Variants in PCDHGA2 observed in about 807,000 individuals in gnomAD.
PCDHGA2 encodes protocadherin gamma-A2.
In PCDHGA2, 40 loss-of-function variants were observed where a neutral mutation model predicts 59.2. The observed-to-expected ratio is 0.68, with a 90% CI of 0.52 to 0.88. The LOEUF (loss-of-function observed/expected upper bound fraction) is 0.88, where lower values mean the gene tolerates loss of function less well. Among genes scored for constraint, PCDHGA2 ranks in the 40% least tolerant of loss-of-function variants. PCDHGA2 has a pLI of 0.00. For missense variants in PCDHGA2, 1,226 were observed against 1,204.0 expected (o/e 1.02, Z -0.27); for synonymous variants, 560 against 526.0 (o/e 1.06, Z -0.89).
chr5:141,355,124 A>G (rs1460903356), intron 1 of PCDHGA2: 1 of 1,516,442 alleles, frequency 6.6e-7, no homozygotes, highest in East Asian at 2.3e-5. Context: ...TTTATTTTGG[A>G]CCCAGAAGAT....
chr5:141,379,889 C>CTTTTTTTTTTTTTTTTTTTTTTTTTTTT lies in PCDHGA2; in HGVS notation c.2424+38497_2424+38524dup, dbSNP rs70988800. On this transcript the variant is annotated intron_variant, in intron 1 of 3. Transcript: ENST00000394576. The stretch of plus-strand genomic sequence containing the variant: ...CTTATTTTATGGTCTGTGAAAGCCT[C>CTTTTTTTTTTTTTTTTTTTTTTTTTTTT]TTTTTTTTTTTTTTTTTTTTTTTTT... Among the ~76,000 whole-genome samples the CTTTTTTTTTTTTTTTTTTTTTTTTTTTT allele has an allele frequency of 5.5e-4, 28 of 50,832 alleles. 8 individuals are homozygous for CTTTTTTTTTTTTTTTTTTTTTTTTTTTT. The highest frequency in any genetic ancestry group is 7.7e-4 in the Non-Finnish European group (20 of 25,882). 33.3% of individuals were successfully genotyped at this position (50,832 alleles called of 152,430 possible). A position where few individuals can be genotyped will look rare whatever the true frequency, so the allele number is the denominator to read the frequency against.
chr5:141,375,844 G>A (rs1771971426), intron 1 of PCDHGA2: 2 of 1,614,082 alleles, frequency 1.2e-6, no homozygotes, highest in Non-Finnish European at 8.5e-7. Context: ...CCGGCTACCT[G>A]GTGACCAAGG....
chr5:141,480,453 A>G (rs1033797238), intron 1 of PCDHGA2, among the ~76,000 whole-genome samples: 1 of 152,182 alleles, frequency 6.6e-6, no homozygotes, highest in African/African-American at 2.4e-5. Context: ...AATTATTTTT[A>G]TTAGTTCCTC....
chr5:141,429,751 A>AT (rs2097241304), intron 1 of PCDHGA2, among the ~76,000 whole-genome samples: 1 of 152,110 alleles, frequency 6.6e-6, no homozygotes, highest in African/African-American at 2.4e-5. Flanking sequence ...CTTAGGGAGA[A>AT]TTTTTTCCCT....
intron 1 of PCDHGA2, chr5:141,351,160 T>C (rs374210350): frequency 5.6e-6 from 9 of 1,613,888 alleles, no homozygotes; most frequent in African/African-American, 2.7e-5. Context: ...TCACAACCAA[T>C]GGCACATTGG....
chr5:141,365,198 G>A, intron 1 of PCDHGA2: 1 of 1,613,856 alleles, frequency 6.2e-7, no homozygotes, highest in Non-Finnish European at 8.5e-7. Context: ...AAAAATTTCG[G>A]AGACTTTCCA....
At chr5:141,409,351 G>A (rs756967611) in intron 1 of PCDHGA2, 7 of 1,613,982 alleles carry the variant, frequency 4.3e-6, no homozygotes, top group Non-Finnish European at 5.9e-6. Flanking sequence ...GAGAAGTCAG[G>A]TGTAATATAG....
chr5:141,456,446 T>C (rs1053843910), intron 1 of PCDHGA2, among the ~76,000 whole-genome samples: 2 of 151,782 alleles, frequency 1.3e-5, no homozygotes, highest in Admixed American at 1.3e-4. Context: ...GTATACAGAG[T>C]CCAAATATCA....
intron 1 of PCDHGA2, chr5:141,430,865 C>G: frequency 6.3e-7 from 1 of 1,595,350 alleles, no homozygotes; most frequent in Non-Finnish European, 8.5e-7. Flanking sequence ...CTATTCAGTT[C>G]CGGAAGAGCT....
At chr5:141,442,158 A>T (rs966591795) in intron 1 of PCDHGA2, 1 of 157,594 alleles carries the variant, frequency 6.3e-6, no homozygotes, top group African/African-American at 2.4e-5. Context: ...CTCAGCGATC[A>T]CTCTGCAAAG....
chr5:141,422,795 A>G lies in PCDHGA2; in HGVS notation c.2425-72012A>G, dbSNP rs543001807. ...CTCTATGCCCTACAATCCTTCGACTATGAGCAGTTTCGAGACTTAGAACTG... is the reference window on the plus strand; with the variant it reads ...CTCTATGCCCTACAATCCTTCGACTGTGAGCAGTTTCGAGACTTAGAACTG... On this transcript the variant is annotated intron_variant, in intron 1 of 3. Transcript: ENST00000394576. 14 of 1,614,198 alleles carry G rather than the reference A, an allele frequency of 8.7e-6. No homozygotes were observed. In the East Asian group the frequency reaches 1.8e-4, roughly 21 times the overall value.
intron 1 of PCDHGA2, chr5:141,378,251 G>A (rs780385993): frequency 6.6e-6 from 1 of 152,234 alleles, no homozygotes; most frequent in Non-Finnish European, 1.5e-5. Flanking sequence ...ATGGCCGGGT[G>A]CGGTGGCTCA....
chr5:141,417,663 C>T (rs2096144136), intron 1 of PCDHGA2: 8 of 901,900 alleles, frequency 8.9e-6, no homozygotes, highest in Non-Finnish European at 1.3e-5. Flanking sequence ...CCTGGGATTC[C>T]CTGCGCAGCC....
chr5:141,420,311 T>G (rs762191274), intron 1 of PCDHGA2: 1 of 1,454,814 alleles, frequency 6.9e-7, no homozygotes, highest in Non-Finnish European at 9.3e-7. Flanking sequence ...CTTTTTATAT[T>G]ACAATATGCC....
chr5:141,455,093 T>C (rs2098812615), intron 1 of PCDHGA2, among the ~76,000 whole-genome samples: 1 of 152,060 alleles, frequency 6.6e-6, no homozygotes, highest in African/African-American at 2.4e-5. Context: ...ATTACAGGCT[T>C]GAGCCACTGC....
chr5:141,384,300 A>G, intron 1 of PCDHGA2: 1 of 1,613,776 alleles, frequency 6.2e-7, no homozygotes, highest in South Asian at 1.1e-5. Context: ...ACAACCCCAG[A>G]GGGGCCTCCA....
At chr5:141,437,659 C>T (rs1006268414) in intron 1 of PCDHGA2, among the ~76,000 whole-genome samples, 10 of 151,870 alleles carry the variant, frequency 6.6e-5, no homozygotes, top group East Asian at 3.9e-4. Context: ...CACATAGTTT[C>T]GAAGAGATGT....
intron 1 of PCDHGA2, chr5:141,392,605 CA>C (rs2092562177): frequency 1.9e-6 from 1 of 514,610 alleles, no homozygotes; most frequent in Admixed American, 3.7e-5. Context: ...TACTGGAAGA[CA>C]AATGCAACCG....
Position 141,339,413 on chromosome 5 carries a change from CCA to C in PCDHGA2, c.443_444del (p.Pro148ArgfsTer7). ...GCTAAAAATCAGTGAAACCACTACG[CCA>C]GGATTCCGGATTCCTCTTAAGAATG... ...LELKISETTTPGFRIPLKNAH... is the reference protein window; with the variant it reads ...LELKISETTTXGFRIPLKNAH... On this transcript the variant is annotated frameshift_variant, in exon 1 of 4. Transcript: ENST00000394576. LOFTEE classifies it high-confidence loss of function. 6.2e-7 allele frequency: 1 copy of C among 1,614,212 alleles called. No homozygotes were observed. Among genetic ancestry groups the C allele is most frequent in the Non-Finnish European group, 8.5e-7 (1 of 1,180,032 alleles).
Sources: allele counts gnomAD v4.1 joint callset (sites outside exome capture counted in the v4.1 genomes callset), GRCh38; gene constraint gnomAD v4.1.1; transcripts MANE v1.5; gene names NCBI Gene and HGNC (gene_info 2026-07-23, HGNC 2026-07-21).